CPQ: variants seen among roughly 807,000 people sequenced by gnomAD.
The protein encoded by CPQ is carboxypeptidase Q.
Under a neutral mutation model 45.7 loss-of-function variants are expected in CPQ, and 37 were observed. That is an observed-to-expected ratio of 0.81 (90% CI 0.62 to 1.07). The LOEUF (loss-of-function observed/expected upper bound fraction) is 1.07, where lower values mean the gene tolerates loss of function less well. Among genes scored for constraint, CPQ ranks in the 50% least tolerant of loss-of-function variants. CPQ has a pLI of 0.00. For missense variants in CPQ, 537 were observed against 572.9 expected (o/e 0.94, Z 0.64); for synonymous variants, 186 against 205.8 (o/e 0.90, Z 0.82).
At chr8:96,668,548 C>A (rs762051026) in intron 1 of CPQ, among the ~76,000 whole-genome samples, 1 of 152,130 alleles carries the variant, frequency 6.6e-6, no homozygotes, top group Admixed American at 6.5e-5. Context: ...TATTAACACT[C>A]ATGTTTGCTT....
At chr8:96,717,136 C>T (rs537856638) in intron 1 of CPQ, among the ~76,000 whole-genome samples, 2 of 141,900 alleles carry the variant, frequency 1.4e-5, no homozygotes. Flanking sequence ...GATTAATGGG[C>T]GTTGGGGCTG....
rs1253982297 is a variant in CPQ, at chr8:96,875,551, T to A, written c.642-4247T>A. 2.0e-5 allele frequency among the ~76,000 whole-genome samples: 3 copies of A among 151,978 alleles called. No homozygotes were observed. In the East Asian group the frequency reaches 5.8e-4, roughly 29 times the overall value. On this transcript the variant is annotated intron_variant, in intron 3 of 7. Transcript: ENST00000220763. The stretch of plus-strand genomic sequence containing the variant: ...GCCTAGAACCATTTGTTGAAAAAAC[T>A]GTTCTATTCTTGTTGAACTGTCTGG...
chr8:96,842,330 T>A (rs1055260918), intron 3 of CPQ, among the ~76,000 whole-genome samples: 1 of 152,194 alleles, frequency 6.6e-6, no homozygotes, highest in African/African-American at 2.4e-5. Flanking sequence ...TTTTGAAATA[T>A]CATTGCAATT....
chr8:96,929,445 C>T lies in CPQ; in HGVS notation c.850-36490C>T, dbSNP rs530918632. 3.3e-5 allele frequency among the ~76,000 whole-genome samples: 5 copies of T among 152,306 alleles called. No homozygotes were observed. The East Asian group carries it at 7.7e-4, about 23-fold the overall frequency. On this transcript the variant is annotated intron_variant, in intron 4 of 7. Transcript: ENST00000220763. ...CTTTATCAGATTAAACAAAGATGCT[C>T]ATCTTTCTAGGCTTTCTAATATGCT...
At chr8:96,683,610 G>A (rs1213369638) in intron 1 of CPQ, among the ~76,000 whole-genome samples, 4 of 151,920 alleles carry the variant, frequency 2.6e-5, no homozygotes, top group Admixed American at 2.0e-4. Context: ...TGTTAAACAG[G>A]TTTTCTATGT....
At chr8:96,899,462 T>A (rs1411820495) in intron 4 of CPQ, among the ~76,000 whole-genome samples, 1 of 152,184 alleles carries the variant, frequency 6.6e-6, no homozygotes, top group African/African-American at 2.4e-5. Context: ...AGAGGTTTAA[T>A]TGGCTCATGA....
chr8:96,939,404 G>A (rs1813096352), intron 4 of CPQ, among the ~76,000 whole-genome samples: 1 of 152,168 alleles, frequency 6.6e-6, no homozygotes, highest in Non-Finnish European at 1.5e-5. Context: ...CTAGCTGGGG[G>A]TTGGGGACCC....
chr8:97,123,180 A>AAAAT (rs1811779886), intron 7 of CPQ, among the ~76,000 whole-genome samples: 13 of 74,452 alleles, frequency 1.7e-4, no homozygotes, highest in African/African-American at 3.5e-4. Flanking sequence ...AATAAAATAT[A>AAAAT]AAATAAAATA....
At chr8:97,134,008 G>A (rs1156640922) in intron 7 of CPQ, among the ~76,000 whole-genome samples, 1 of 152,194 alleles carries the variant, frequency 6.6e-6, no homozygotes, top group Non-Finnish European at 1.5e-5. Flanking sequence ...ATGTTCACAT[G>A]GTTTTGGTAA....
chr8:97,027,766 T>C (rs1443225163), intron 5 of CPQ, among the ~76,000 whole-genome samples: 1 of 152,214 alleles, frequency 6.6e-6, no homozygotes, highest in Non-Finnish European at 1.5e-5. Context: ...GCACCTAATG[T>C]GTGTCAAACA....
chr8:96,808,619 C>T (rs1348167504), intron 2 of CPQ, among the ~76,000 whole-genome samples: 7 of 152,152 alleles, frequency 4.6e-5, no homozygotes, highest in Middle Eastern at 3.2e-3. Context: ...TCTTATCAAT[C>T]GAATTGTAGT....
intron 5 of CPQ, among the ~76,000 whole-genome samples, chr8:96,967,725 T>C (rs1813592411): frequency 6.6e-6 from 1 of 152,198 alleles, no homozygotes; most frequent in Admixed American, 6.5e-5. Context: ...GTAATATTTC[T>C]TTTGAGTAGG....
At chr8:97,079,146 A>G (rs1253367945) in intron 7 of CPQ, among the ~76,000 whole-genome samples, 1 of 152,060 alleles carries the variant, frequency 6.6e-6, no homozygotes. Flanking sequence ...ATTGATTTCT[A>G]AAATGTTTAA....
chr8:96,669,611 G>T (rs554476854), intron 1 of CPQ, among the ~76,000 whole-genome samples: 1 of 152,086 alleles, frequency 6.6e-6, no homozygotes, highest in Admixed American at 6.6e-5. Context: ...AAGAAAAATA[G>T]AAAATAAGAA....
chr8:96,997,710 T>C (rs1034811625), intron 5 of CPQ, among the ~76,000 whole-genome samples: 5 of 152,024 alleles, frequency 3.3e-5, no homozygotes, highest in African/African-American at 1.2e-4. Context: ...AGATATGGCA[T>C]TAATGGTCAT....
intron 1 of CPQ, among the ~76,000 whole-genome samples, chr8:96,764,511 A>G (rs1810443482): frequency 6.6e-6 from 1 of 152,208 alleles, no homozygotes; most frequent in Non-Finnish European, 1.5e-5. Context: ...TTATGGATGT[A>G]AACATATGTC....
At chr8:97,067,521 A>AT (rs1414479441) in intron 7 of CPQ, among the ~76,000 whole-genome samples, 1 of 151,864 alleles carries the variant, frequency 6.6e-6, no homozygotes, top group South Asian at 2.1e-4. Context: ...TCCACTCCAG[A>AT]TTTTTTTTTC....
At chr8:96,857,679 A>G (rs1811868932) in intron 3 of CPQ, among the ~76,000 whole-genome samples, 3 of 152,178 alleles carry the variant, frequency 2.0e-5, no homozygotes, top group African/African-American at 4.8e-5. Flanking sequence ...TGCTTCCTGT[A>G]TACTGGTTCT....
intron 5 of CPQ, among the ~76,000 whole-genome samples, chr8:97,020,731 A>T (rs929233549): frequency 2.5e-4 from 38 of 152,248 alleles, no homozygotes; most frequent in South Asian, 8.3e-4. Flanking sequence ...AATGATAATT[A>T]AAAAATTACC....
Sources: gnomAD v4.1 joint callset for allele counts (sites outside exome capture counted in the v4.1 genomes callset) on GRCh38, gnomAD v4.1.1 for gene constraint, MANE v1.5 for transcripts, NCBI Gene and HGNC (gene_info 2026-07-23, HGNC 2026-07-21) for gene names.